HEMK2: variants seen among roughly 807,000 people sequenced by gnomAD.
HEMK2 encodes HemK methyltransferase 2, ETF1 glutamine and histone H4 lysine, also known as methyltransferase HEMK2.
chr21:28,772,503 G>T, the HEMK2 span, among the ~76,000 whole-genome samples: 1 of 152,176 alleles, frequency 6.6e-6, no homozygotes, highest in East Asian at 1.9e-4. Context: ...CCAATTCTGG[G>T]TAAAGGTTAT....
At chr21:28,625,608 G>A in the HEMK2 span, among the ~76,000 whole-genome samples, 1 of 152,038 alleles carries the variant, frequency 6.6e-6, no homozygotes, top group Non-Finnish European at 1.5e-5. Flanking sequence ...CTACTCCAGA[G>A]GCTGAGGCAC....
At chr21:28,749,118 G>T in the HEMK2 span, among the ~76,000 whole-genome samples, 1 of 150,346 alleles carries the variant, frequency 6.7e-6, no homozygotes, top group Non-Finnish European at 1.5e-5. Flanking sequence ...TATAATATTT[G>T]TAGGAGATTC....
At chr21:28,696,110 T>TCCCCTTAC in the HEMK2 span, among the ~76,000 whole-genome samples, 8,808 of 152,148 alleles carry the variant, frequency 0.058, 352 homozygotes, top group Middle Eastern at 0.092. Flanking sequence ...GAAAGGGGTT[T>TCCCCTTAC]CCCCTTATAA....
the HEMK2 span, among the ~76,000 whole-genome samples, chr21:28,784,543 C>T: frequency 6.6e-6 from 1 of 151,174 alleles, no homozygotes; most frequent in Non-Finnish European, 1.5e-5. Context: ...GTGTCTAGCT[C>T]AAGGTTTGTA....
At chr21:28,784,812 C>A in the HEMK2 span, among the ~76,000 whole-genome samples, 2 of 152,228 alleles carry the variant, frequency 1.3e-5, no homozygotes, top group African/African-American at 4.8e-5. Context: ...GGAATAAAAG[C>A]AGGCTGCCAG....
chr21:28,757,157 T>C, the HEMK2 span, among the ~76,000 whole-genome samples: 1 of 152,194 alleles, frequency 6.6e-6, no homozygotes, highest in Non-Finnish European at 1.5e-5. Flanking sequence ...CAGCACACTC[T>C]AAGTCGATCT....
At chr21:28,586,850 C>T in the HEMK2 span, among the ~76,000 whole-genome samples, 2 of 152,172 alleles carry the variant, frequency 1.3e-5, no homozygotes, top group East Asian at 3.9e-4. Flanking sequence ...CTCCCTTGGG[C>T]CTCTTTTATA....
chr21:28,827,501 G>C, the HEMK2 span, among the ~76,000 whole-genome samples: 6 of 152,314 alleles, frequency 3.9e-5, no homozygotes, highest in South Asian at 1.2e-3. Context: ...ACTACACTGA[G>C]TGTTTTGCAC....
the HEMK2 span, among the ~76,000 whole-genome samples, chr21:28,672,719 T>C: frequency 6.6e-6 from 1 of 152,186 alleles, no homozygotes; most frequent in Non-Finnish European, 1.5e-5. Flanking sequence ...CTTGTATGAC[T>C]CAAAGCAACC....
chr21:28,783,673 G>A, the HEMK2 span, among the ~76,000 whole-genome samples: 4 of 152,288 alleles, frequency 2.6e-5, no homozygotes, highest in East Asian at 1.9e-4. Context: ...GGAGCCCTTC[G>A]GCCCACTGCT....
At chr21:28,860,850 T>C in the HEMK2 span, among the ~76,000 whole-genome samples, 3 of 152,190 alleles carry the variant, frequency 2.0e-5, no homozygotes, top group Non-Finnish European at 4.4e-5. Flanking sequence ...GCATTTAATG[T>C]TGCAGCTCAG....
the HEMK2 span, among the ~76,000 whole-genome samples, chr21:28,650,983 G>A: frequency 5.9e-5 from 9 of 152,174 alleles, no homozygotes; most frequent in African/African-American, 2.2e-4. Context: ...GATTGAATGA[G>A]AGAAGCAGCA....
the HEMK2 span, among the ~76,000 whole-genome samples, chr21:28,722,153 T>C: frequency 1.3e-5 from 2 of 151,584 alleles, no homozygotes; most frequent in African/African-American, 4.9e-5. Flanking sequence ...CTAGATCTAG[T>C]ATAGAAACGC....
At chr21:28,652,434 C>CCTT in the HEMK2 span, among the ~76,000 whole-genome samples, 654 of 140,104 alleles carry the variant, frequency 4.7e-3, 4 homozygotes, top group African/African-American at 0.015. Flanking sequence ...TTTTCTTCCT[C>CCTT]CCTTCCTTCC....
At chr21:28,786,311 CATT>C in the HEMK2 span, among the ~76,000 whole-genome samples, 121 of 152,314 alleles carry the variant, frequency 7.9e-4, no homozygotes, top group African/African-American at 2.9e-3. Flanking sequence ...AAGTCTAAAA[CATT>C]ATTCACCCAT....
At chr21:28,576,349 C>T in the HEMK2 span, among the ~76,000 whole-genome samples, 2 of 152,106 alleles carry the variant, frequency 1.3e-5, no homozygotes, top group East Asian at 3.9e-4. Context: ...ATATTGACTA[C>T]CTTTCCATGA....
chr21:28,701,790 C>T, the HEMK2 span, among the ~76,000 whole-genome samples: 3 of 152,070 alleles, frequency 2.0e-5, no homozygotes, highest in Non-Finnish European at 4.4e-5. Context: ...CTATTCCTAT[C>T]AAACTACCAA....
chr21:28,861,507 G>C, the HEMK2 span, among the ~76,000 whole-genome samples: 1 of 152,198 alleles, frequency 6.6e-6, no homozygotes, highest in Non-Finnish European at 1.5e-5. Context: ...ACTTGAGCCA[G>C]TTTACGGTTT....
chr21:28,805,700 T>C, the HEMK2 span, among the ~76,000 whole-genome samples: 2 of 152,178 alleles, frequency 1.3e-5, no homozygotes, highest in Non-Finnish European at 2.9e-5. Flanking sequence ...AGTGTATTTA[T>C]AGGTGCTACA....
Sources: gnomAD v4.1 joint callset for allele counts (sites outside exome capture counted in the v4.1 genomes callset) on GRCh38, gnomAD v4.1.1 for gene constraint, MANE v1.5 for transcripts, NCBI Gene and HGNC (gene_info 2026-07-23, HGNC 2026-07-21) for gene names.